The following ZFP82 variants were observed in gnomAD, a reference collection of about 807,000 sequenced individuals.
The protein encoded by ZFP82 is zinc finger protein 82 homolog.
In ZFP82, 30 loss-of-function variants were observed where a neutral mutation model predicts 54.0. The observed-to-expected ratio is 0.56, with a 90% CI of 0.42 to 0.75. The LOEUF is 0.75. Among genes scored for constraint, ZFP82 ranks in the 30% least tolerant of loss-of-function variants. The probability of loss-of-function intolerance (pLI) is 0.00; values close to 1 mark genes in which losing one functional copy is unlikely to be tolerated. For synonymous variants in ZFP82, 194 were observed against 209.5 expected (o/e 0.93, Z 0.64); for missense variants, 500 against 636.8 (o/e 0.79, Z 2.31).
At chr19:36,410,433 A>ATGTGTG (rs141959407) in intron 1 of ZFP82, among the ~76,000 whole-genome samples, 158 of 148,040 alleles carry the variant, frequency 1.1e-3, no homozygotes, top group African/African-American at 2.8e-3. Flanking sequence ...TTATATATGT[A>ATGTGTG]TGTGTGTGTG....
chr19:36,395,559 A>G (rs867151895), intron 4 of ZFP82: 9 of 152,302 alleles, frequency 5.9e-5, no homozygotes, highest in African/African-American at 2.2e-4. Flanking sequence ...TGCTAACAGA[A>G]GTCACGTTAC....
At chr19:36,416,611 GCAGGCGTGGTGGTATATGCCTGTAATCC>G (rs1356460732) in intron 1 of ZFP82, among the ~76,000 whole-genome samples, 2 of 151,834 alleles carry the variant, frequency 1.3e-5, no homozygotes, top group African/African-American at 4.8e-5. Context: ...ACAAGATTAG[GCAGGCGTGGTGGTATATGCCTGTAATCC>G]CAGCTACTAG....
At position 36,392,756 on chromosome 19, in the gene ZFP82, A is replaced by G. The variant is rs1161409438; in HGVS notation, c.1584T>C (p.His528=). The change falls in exon 5 of 5, where the codon CAT becomes CAC. Residue 528 remains histidine, a synonymous_variant. Coordinates refer to ENST00000392161, the MANE Select transcript of ZFP82 (RefSeq NM_133466.4). The stretch of plus-strand genomic sequence containing the variant: ...AAAGACTTTCTTAGATTTTTACATT[A>G]TGAATTTTCAGATGATGAGTAAGGT... ...HSHLTHHLKI[H]NVKI is the part of the protein sequence containing the mutation. 6.4e-7 allele frequency: 1 copy of G among 1,560,836 alleles called. No individual in the cohort carries two copies. The highest frequency in any genetic ancestry group is 1.2e-5 in the South Asian group (1 of 82,108).
At chr19:36,383,994 G>C (rs2032088538), downstream of ZFP82, 1 of 152,036 alleles carries the variant, frequency 6.6e-6, no homozygotes, top group African/African-American at 2.4e-5. Context: ...AAGGATATAA[G>C]GAAATAAGGA....
intron 2 of ZFP82, 133 bp downstream of exon 2, chr19:36,409,648 C>T (rs1479362248): frequency 3.4e-6 from 3 of 876,622 alleles, no homozygotes; most frequent in East Asian, 2.4e-5. Flanking sequence ...CATTGTGGTT[C>T]ACCCGCCACT....
chr19:36,418,008 T>C (rs2032702487), intron 1 of ZFP82, among the ~76,000 whole-genome samples: 1 of 152,044 alleles, frequency 6.6e-6, no homozygotes, highest in Non-Finnish European at 1.5e-5. Context: ...AATCTCCTCC[T>C]AGGCTCAAGC....
intron 4 of ZFP82, among the ~76,000 whole-genome samples, chr19:36,405,239 T>C (rs934563417): frequency 2.9e-5 from 4 of 138,560 alleles, no homozygotes; most frequent in Admixed American, 2.2e-4. Flanking sequence ...AATCAAAATA[T>C]ACAATGGTTG....
chr19:36,401,926 G>A (rs1008708531), intron 4 of ZFP82, among the ~76,000 whole-genome samples: 2 of 152,070 alleles, frequency 1.3e-5, no homozygotes, highest in African/African-American at 2.4e-5. Context: ...CCTCAAGAAA[G>A]TCATCTGTCC....
At chr19:36,385,528 A>G (rs2032105634), downstream of ZFP82, among the ~76,000 whole-genome samples, 1 of 152,232 alleles carries the variant, frequency 6.6e-6, no homozygotes, top group Non-Finnish European at 1.5e-5. Context: ...ACTGGATGTC[A>G]GAAAAAGACT....
chr19:36,400,435 C>A (rs1450279416), intron 4 of ZFP82, among the ~76,000 whole-genome samples: 2 of 152,192 alleles, frequency 1.3e-5, no homozygotes, highest in Non-Finnish European at 2.9e-5. Flanking sequence ...ATCTAAGGAA[C>A]TGTACTTCGG....
chr19:36,414,596 T>C (rs546715963), intron 1 of ZFP82, among the ~76,000 whole-genome samples: 2 of 152,060 alleles, frequency 1.3e-5, no homozygotes, highest in Admixed American at 1.3e-4. Context: ...TCTCCTGACC[T>C]CGTGATCTGC....
At chr19:36,397,984 C>A (rs1250700500) in intron 4 of ZFP82, among the ~76,000 whole-genome samples, 2 of 152,070 alleles carry the variant, frequency 1.3e-5, no homozygotes, top group African/African-American at 2.4e-5. Context: ...TCCCATAGAG[C>A]AAATAGAGAA....
At chr19:36,403,322 CA>C (rs138418003) in intron 4 of ZFP82, among the ~76,000 whole-genome samples, 16,641 of 65,436 alleles carry the variant, frequency 0.25, 1,496 homozygotes, top group South Asian at 0.38. Context: ...GACTCCATCT[CA>C]AAAAAAAAAA....
intron 4 of ZFP82, chr19:36,394,789 T>C (rs1222752861): frequency 6.6e-6 from 1 of 152,226 alleles, no homozygotes; most frequent in East Asian, 1.9e-4. Context: ...CTATTGATAG[T>C]ACCTAAATCC....
rs1296279062 is a variant in ZFP82 at position 36,391,686 on chromosome 19, C to T, written c.*1055G>A. 1.3e-5 allele frequency: 2 copies of T among 152,202 alleles called. No homozygotes were observed. The highest frequency in any genetic ancestry group is 4.8e-5 in the African/African-American group (2 of 41,414). The allele number at this position is 152,202 out of a possible 1,614,324, so 9.4% of individuals were successfully genotyped here. ...CTCACCATGTTGCCCAGGCTGGTCT[C>T]GAACTTCTGGCCTCAAGCAATCGTC... On this transcript the variant is annotated 3_prime_UTR_variant, in exon 5 of 5. Transcript: ENST00000392161.
At chr19:36,404,596 C>T (rs1471084446) in intron 4 of ZFP82, among the ~76,000 whole-genome samples, 1 of 152,202 alleles carries the variant, frequency 6.6e-6, no homozygotes, top group African/African-American at 2.4e-5. Context: ...TGTTAAATCT[C>T]TACCCTAAAG....
chr19:36,395,030 A>C (rs974660186), intron 4 of ZFP82: 3 of 152,188 alleles, frequency 2.0e-5, no homozygotes, highest in African/African-American at 7.2e-5. Context: ...CTCTGCCTCT[A>C]GTCTCTCATG....
chr19:36,385,399 C>G (rs1600092905), downstream of ZFP82, among the ~76,000 whole-genome samples: 1 of 152,098 alleles, frequency 6.6e-6, no homozygotes, highest in Non-Finnish European at 1.5e-5. Context: ...TATAGCAACA[C>G]AAAACAGACT....
intron 1 of ZFP82, among the ~76,000 whole-genome samples, chr19:36,417,598 G>A: frequency 6.6e-6 from 1 of 152,132 alleles, no homozygotes; most frequent in East Asian, 1.9e-4. Context: ...AGGGAACCAG[G>A]CTTTTCTTGC....
Sources: gnomAD v4.1 joint callset for allele counts (sites outside exome capture counted in the v4.1 genomes callset) on GRCh38, gnomAD v4.1.1 for gene constraint, MANE v1.5 for transcripts, NCBI Gene and HGNC (gene_info 2026-07-23, HGNC 2026-07-21) for gene names.